The following SLC8A3 variants were observed in gnomAD, a reference collection of about 807,000 sequenced individuals.
The protein encoded by SLC8A3 is solute carrier family 8 member A3, also known as sodium/calcium exchanger 3.
In SLC8A3, 37 loss-of-function variants were observed where a neutral mutation model predicts 65.4. The observed-to-expected ratio is 0.57, with a 90% CI of 0.44 to 0.74. SLC8A3 has a LOEUF of 0.74. SLC8A3 is among the 30% of genes least tolerant of loss of function. The pLI is 0.00. For missense variants in SLC8A3, 1,112 were observed against 1,172.1 expected (o/e 0.95, Z 0.75); for synonymous variants, 461 against 444.5 (o/e 1.04, Z -0.47).
At chr14:70,138,626 T>C (rs1224442542) in intron 2 of SLC8A3, among the ~76,000 whole-genome samples, 1 of 152,220 alleles carries the variant, frequency 6.6e-6, no homozygotes, top group East Asian at 1.9e-4. Flanking sequence ...ACCTTTTCTC[T>C]TGGTCTCCAT....
intron 2 of SLC8A3, among the ~76,000 whole-genome samples, chr14:70,105,999 A>C (rs1892845706): frequency 6.6e-6 from 1 of 152,208 alleles, no homozygotes; most frequent in African/African-American, 2.4e-5. Context: ...CGATATGATC[A>C]TTTCAACAGA....
At chr14:70,056,361 C>G (rs954544549) in intron 3 of SLC8A3, among the ~76,000 whole-genome samples, 3 of 152,206 alleles carry the variant, frequency 2.0e-5, no homozygotes, top group Admixed American at 6.5e-5. Flanking sequence ...TAGCTGAACT[C>G]ATGCTCAGCT....
intron 2 of SLC8A3, among the ~76,000 whole-genome samples, chr14:70,132,403 G>T (rs1046784988): frequency 1.3e-5 from 2 of 152,202 alleles, no homozygotes; most frequent in African/African-American, 4.8e-5. Flanking sequence ...TTGTGGAAGA[G>T]CCAATTCATT....
At chr14:70,137,981 C>T (rs955590701) in intron 2 of SLC8A3, among the ~76,000 whole-genome samples, 6 of 152,126 alleles carry the variant, frequency 3.9e-5, no homozygotes, top group East Asian at 1.9e-4. Context: ...TCCATCACTC[C>T]GCTCAATCTC....
intron 2 of SLC8A3, among the ~76,000 whole-genome samples, chr14:70,105,256 G>A (rs915741340): frequency 6.6e-6 from 1 of 152,124 alleles, no homozygotes; most frequent in Non-Finnish European, 1.5e-5. Context: ...GTGAACCTGG[G>A]AGGCAGAGCT....
chr14:70,148,886 A>G (rs1896098190), intron 2 of SLC8A3, among the ~76,000 whole-genome samples: 1 of 152,168 alleles, frequency 6.6e-6, no homozygotes, highest in Non-Finnish European at 1.5e-5. Context: ...CGTGAATATG[A>G]CAAGTAGGTG....
intron 2 of SLC8A3, among the ~76,000 whole-genome samples, chr14:70,149,550 G>A (rs887288959): frequency 9.2e-5 from 14 of 152,170 alleles, no homozygotes; most frequent in Non-Finnish European, 1.6e-4. Flanking sequence ...GGGGGTGGAA[G>A]GTGTGTGTAC....
intron 3 of SLC8A3, among the ~76,000 whole-genome samples, chr14:70,053,831 TCA>T (rs1317385381): frequency 6.6e-6 from 1 of 152,240 alleles, no homozygotes; most frequent in Non-Finnish European, 1.5e-5. Flanking sequence ...ATTGATTGAG[TCA>T]CATGCCTTTA....
chr14:70,157,886 G>A (rs139172318), intron 2 of SLC8A3, among the ~76,000 whole-genome samples: 1 of 152,310 alleles, frequency 6.6e-6, no homozygotes, highest in African/African-American at 2.4e-5. Flanking sequence ...GTTCGTTCTG[G>A]CTAAATGACA....
intron 2 of SLC8A3, among the ~76,000 whole-genome samples, chr14:70,144,628 T>TA (rs34113457): frequency 0.64 from 91,150 of 142,940 alleles, 29,621 homozygotes; most frequent in East Asian, 0.95. Context: ...AGACTCCACC[T>TA]AAAAAAAAAA....
At chr14:70,158,463 C>T (rs1006283762) in intron 2 of SLC8A3, among the ~76,000 whole-genome samples, 10 of 152,152 alleles carry the variant, frequency 6.6e-5, no homozygotes, top group African/African-American at 2.4e-4. Flanking sequence ...CCATAATCGA[C>T]AATTTGTTTT....
At chr14:70,114,444 C>G (rs1472655474) in intron 2 of SLC8A3, among the ~76,000 whole-genome samples, 1 of 152,190 alleles carries the variant, frequency 6.6e-6, no homozygotes, top group Non-Finnish European at 1.5e-5. Flanking sequence ...CAAAATAAAA[C>G]TGTAGCTGCA....
chr14:70,118,669 C>T (rs1390771779), intron 2 of SLC8A3, among the ~76,000 whole-genome samples: 1 of 152,170 alleles, frequency 6.6e-6, no homozygotes, highest in Non-Finnish European at 1.5e-5. Flanking sequence ...ACCATCTGTC[C>T]AACATATCAC....
intron 1 of SLC8A3, among the ~76,000 whole-genome samples, chr14:70,170,815 A>G (rs1382485143): frequency 6.6e-6 from 1 of 152,164 alleles, no homozygotes; most frequent in African/African-American, 2.4e-5. Context: ...CCAAGTTCTG[A>G]AGCCCACATT....
At chr14:70,072,638 C>T (rs1890116093) in intron 2 of SLC8A3, among the ~76,000 whole-genome samples, 1 of 151,684 alleles carries the variant, frequency 6.6e-6, no homozygotes, top group South Asian at 2.1e-4. Flanking sequence ...TCCATCTCTG[C>T]AACCTGAACT....
intron 2 of SLC8A3, among the ~76,000 whole-genome samples, chr14:70,158,824 C>T (rs1255523021): frequency 6.6e-6 from 1 of 152,166 alleles, no homozygotes; most frequent in Non-Finnish European, 1.5e-5. Flanking sequence ...CTTGGGTCCC[C>T]AGTAAGTGGT....
At chr14:70,118,954 A>T (rs910882076) in intron 2 of SLC8A3, among the ~76,000 whole-genome samples, 1 of 152,190 alleles carries the variant, frequency 6.6e-6, no homozygotes, top group African/African-American at 2.4e-5. Flanking sequence ...TTTGGAGCTC[A>T]TACTGCTCAT....
intron 2 of SLC8A3, among the ~76,000 whole-genome samples, chr14:70,137,073 G>A (rs544171926): frequency 9.9e-5 from 15 of 152,146 alleles, no homozygotes; most frequent in Non-Finnish European, 1.6e-4. Context: ...TGGGAACCAG[G>A]CCTCTAAGAC....
intron 2 of SLC8A3, among the ~76,000 whole-genome samples, chr14:70,070,223 T>C (rs1190752360): frequency 6.6e-6 from 1 of 152,240 alleles, no homozygotes; most frequent in East Asian, 1.9e-4. Context: ...GTGCTTATTT[T>C]GTGCTAGGCA....
Sources: gnomAD v4.1 joint callset for allele counts (sites outside exome capture counted in the v4.1 genomes callset) on GRCh38, gnomAD v4.1.1 for gene constraint, MANE v1.5 for transcripts, NCBI Gene and HGNC (gene_info 2026-07-23, HGNC 2026-07-21) for gene names.